The following RNF213 variants were observed in gnomAD, a reference collection of about 807,000 sequenced individuals.
The protein encoded by RNF213 is ring finger protein 213.
In RNF213, 341 loss-of-function variants were observed where a neutral mutation model predicts 514.4. The ratio of observed to expected loss-of-function variants is 0.66; its 90% CI spans 0.61 to 0.73. RNF213 has a LOEUF of 0.73. Among genes scored for constraint, RNF213 ranks in the 30% least tolerant of loss-of-function variants. RNF213 has a pLI of 0.00. For missense variants in RNF213, 5,767 were observed against 6,615.6 expected (o/e 0.87, Z 4.45); for synonymous variants, 2,655 against 2,658.2 (o/e 1.00, Z 0.04).
rs536471837 is a variant in RNF213 at position 80,350,374 on chromosome 17, G to A, written c.10162G>A (p.Ala3388Thr). Reference protein sequence around the residue: ...QTDFEDGIRSAQLIASAKYSV... With the variant: ...QTDFEDGIRSTQLIASAKYSV... ...AGATTTTGAAGATGGAATCCGTAGC[G>A]CCCAGCTCATTGCCTCAGCTAAGTA... Residue 3388 changes from alanine to threonine, a missense_variant, in exon 31 of 68, where the codon GCC becomes ACC. Physicochemically the swap from Ala to Thr is moderately conservative, Grantham distance 58. This residue lies in a region of RNF213 where 919 missense variants were observed against 1,121.0 expected (regional missense o/e 0.82). Transcript: ENST00000582970. 5.6e-6 allele frequency: 9 copies of A among 1,609,464 alleles called. No individual in the cohort carries two copies. The Admixed American group carries it at 6.7e-5, about 12-fold the overall frequency.
At position 80,337,934 on chromosome 17, in the gene RNF213, C is replaced by G; in HGVS notation, c.4770C>G (p.Asn1590Lys). Residue 1590 changes from asparagine (N) to lysine (K), a missense_variant, in exon 25 of 68, where the codon AAC becomes AAG. Asn to Lys is a moderately conservative substitution (Grantham distance 94). Transcript: ENST00000582970. The part of the protein sequence containing the change: ...YSLEEVKELL[N>K]KLMLMSGKKD... ...TAGAGGAGGTGAAGGAGCTTTTGAA[C>G]AAGTTGATGCTGATGTCTGGCAAGA... 6.5e-7 allele frequency: 1 copy of G among 1,537,274 alleles called. No homozygotes were observed. Among genetic ancestry groups the G allele is most frequent in the Non-Finnish European group, 8.7e-7 (1 of 1,146,906 alleles).
At chr17:80,388,561 A>T in intron 63 of RNF213, 51 bp from the exon 64 acceptor site, 1 of 1,208,506 alleles carries the variant, frequency 8.3e-7, no homozygotes, top group Non-Finnish European at 1.2e-6. Flanking sequence ...ATCTGCTGGA[A>T]ATGTCCACGA....
intron 13 of RNF213, among the ~76,000 whole-genome samples, chr17:80,307,554 TG>T (rs2045412337): frequency 1.3e-5 from 2 of 148,868 alleles, no homozygotes; most frequent in African/African-American, 5.0e-5. Flanking sequence ...TTTGTTTGTT[TG>T]TTTGTTTTTT....
At chr17:80,328,073 G>A (rs766377425) in intron 19 of RNF213, 84 bp downstream of exon 19, 12 of 1,452,014 alleles carry the variant, frequency 8.3e-6, no homozygotes, top group Non-Finnish European at 1.1e-5. Flanking sequence ...GTGCATTTTT[G>A]TAAAGGAGAT....
In RNF213 at chr17:80,354,110, A is replaced by G. The variant is rs1157570398; in HGVS notation, c.10670A>G (p.Asn3557Ser). ...GACCAGAACGAGAGCTGCACGCGCAATATGCGGAGGGTGGTGCTCCTCCTG... is the reference window on the plus strand; with the variant it reads ...GACCAGAACGAGAGCTGCACGCGCAGTATGCGGAGGGTGGTGCTCCTCCTG... ...LRDQNESCTR[N>S]MRRVVLLLGL... Residue 3557 changes from asparagine to serine, a missense_variant, in exon 35 of 68, where the codon AAT (asparagine) becomes AGT (serine). Coordinates refer to ENST00000582970, the MANE Select transcript of RNF213 (RefSeq NM_001256071.3). 1.9e-6 allele frequency: 3 copies of G among 1,613,958 alleles called. No individual in the cohort carries two copies. The highest frequency in any genetic ancestry group is 3.3e-5 in the Admixed American group (2 of 60,000).
In RNF213 at chr17:80,361,861, G is replaced by A. The variant is rs1247935937; in HGVS notation, c.11328G>A (p.Met3776Ile). 1 of 1,613,582 alleles carries A rather than the reference G, an allele frequency of 6.2e-7. No homozygotes were observed. The highest frequency in any genetic ancestry group is 2.2e-5 in the East Asian group (1 of 44,862). The change falls in exon 39 of 68, where the codon ATG becomes ATA. Residue 3776 changes from methionine (M) to isoleucine (I), a missense_variant. Met to Ile is a conservative substitution (Grantham distance 10, BLOSUM62 1). Transcript: ENST00000582970. ...TGAAGGATTTCATTCTCTTGACCAT[G>A]CGTGTGTCAACGGAGGAGGAATTAA... ...CYLKDFILLT[M>I]RVSTEEELKF...
chr17:80,278,011 C>T (rs950482653), intron 3 of RNF213, among the ~76,000 whole-genome samples: 4 of 152,232 alleles, frequency 2.6e-5, no homozygotes, highest in African/African-American at 4.8e-5. Flanking sequence ...CTTGGCCTCT[C>T]CTTTGGTGGC....
chr17:80,368,245 G>C, intron 44 of RNF213, 102 bp downstream of exon 44: 1 of 1,309,630 alleles, frequency 7.6e-7, no homozygotes, highest in Non-Finnish European at 1.1e-6. Context: ...TCATTTGGTA[G>C]AAAACCTGAC....
chr17:80,358,303 G>A lies in RNF213; in HGVS notation c.10878G>A (p.Lys3626=), dbSNP rs1429752390. Residue 3626 remains lysine (K), a synonymous_variant, in exon 37 of 68, where the codon AAG becomes AAA. Transcript: ENST00000582970. ...EAGTFRHTLW[K]RVQGAVTPLL... is the part of the protein sequence containing the mutation. Reference sequence around the variant, plus strand: ...TGTGCTGCAGGCACACCCTCTGGAAGCGGGTCCAAGGTGCTGTCACCCCTC... The same window carrying A: ...TGTGCTGCAGGCACACCCTCTGGAAACGGGTCCAAGGTGCTGTCACCCCTC... 1 of 1,613,928 alleles carries A rather than the reference G, an allele frequency of 6.2e-7. No homozygotes were observed. Among genetic ancestry groups the A allele is most frequent in the African/African-American group, 1.3e-5 (1 of 74,934 alleles).
At chr17:80,322,368 G>A (rs1037752846) in intron 17 of RNF213, among the ~76,000 whole-genome samples, 1 of 151,762 alleles carries the variant, frequency 6.6e-6, no homozygotes, top group African/African-American at 2.4e-5. Context: ...GGTGGCTCAT[G>A]CCTGTAGACC....
chr17:80,355,512 T>C (rs1171123184), intron 36 of RNF213, among the ~76,000 whole-genome samples: 1 of 35,660 alleles, frequency 2.8e-5, no homozygotes, highest in African/African-American at 9.2e-5. Context: ...TGACCGGGAA[T>C]GGGGGCTTAC....
chr17:80,278,617 G>A, intron 3 of RNF213: 1 of 957,538 alleles, frequency 1.0e-6, no homozygotes, highest in Non-Finnish European at 1.5e-6. Context: ...ACGGTGCTGG[G>A]AAGCTGGTCA....
At chr17:80,318,661 C>T (rs886633388) in intron 16 of RNF213, among the ~76,000 whole-genome samples, 1 of 152,104 alleles carries the variant, frequency 6.6e-6, no homozygotes, top group Admixed American at 6.5e-5. Context: ...GCAAACTCCG[C>T]CTCCCGGGTT....
chr17:80,374,612 C>T, intron 50 of RNF213, 23 bp downstream of exon 50: 3 of 1,613,586 alleles, frequency 1.9e-6, no homozygotes, highest in Non-Finnish European at 2.5e-6. Flanking sequence ...CGTGGCTTCT[C>T]TCTGATACCA....
chr17:80,387,036 C>G, intron 63 of RNF213, 145 bp downstream of exon 63: 1 of 782,112 alleles, frequency 1.3e-6, no homozygotes, highest in Admixed American at 2.1e-5. Context: ...GCTCCCGAGG[C>G]CACCACGCCA....
rs1237573714 is a variant in RNF213, at chr17:80,339,213, G to A, written c.4846G>A (p.Val1616Met). ...VERFSEVFCS[V>M]QRLSQAFIDL... ...TCTGCCTCTCCAGGTCTTCTGCAGT[G>A]TGCAGAGGCTCAGCCAGGCCTTCAT... is the stretch of plus-strand genomic sequence containing the variant. Residue 1616 changes from valine to methionine, a missense_variant, in exon 26 of 68, where the codon GTG becomes ATG. Physicochemically the swap from Val to Met is conservative, Grantham distance 21. Around this residue, in one of 13 missense-constraint regions of RNF213, gnomAD observed 1,377 missense variants for 1,635.2 expected, o/e 0.84. Transcript: ENST00000582970. 2.0e-6 allele frequency: 3 copies of A among 1,491,146 alleles called. No individual in the cohort carries two copies. Among genetic ancestry groups the A allele is most frequent in the African/African-American group, 2.8e-5 (2 of 72,388 alleles). The allele number at this position is 1,491,146 out of a possible 1,614,324, so 92.4% of individuals were successfully genotyped here.
chr17:80,326,462 A>G (rs1049746150), intron 18 of RNF213, among the ~76,000 whole-genome samples: 1 of 152,210 alleles, frequency 6.6e-6, no homozygotes, highest in Non-Finnish European at 1.5e-5. Flanking sequence ...CAATATTGAT[A>G]ACACTGTTAT....
At chr17:80,310,056 C>T (rs2045513503) in intron 14 of RNF213, among the ~76,000 whole-genome samples, 1 of 151,710 alleles carries the variant, frequency 6.6e-6, no homozygotes, top group African/African-American at 2.4e-5. Flanking sequence ...CCCAGCCTCC[C>T]ATGGATCAGT....
intron 32 of RNF213, chr17:80,352,608 C>A: frequency 3.4e-6 from 2 of 583,270 alleles, no homozygotes; most frequent in Non-Finnish European, 6.1e-6. Flanking sequence ...GCCAGTGTCC[C>A]CCACCCCTCA....
Sources: gnomAD v4.1 joint callset for allele counts (sites outside exome capture counted in the v4.1 genomes callset) on GRCh38, gnomAD v4.1.1 for gene constraint, gnomAD v4.1.1 regional missense constraint, MANE v1.5 for transcripts, NCBI Gene and HGNC (gene_info 2026-07-23, HGNC 2026-07-21) for gene names.